Variants in USP9X observed in about 807,000 individuals in gnomAD.
The protein encoded by USP9X is ubiquitin specific peptidase 9 X-linked, also known as ubiquitin carboxyl-terminal hydrolase 9X.
USP9X carries 7 observed loss-of-function variants against 190.3 expected under a neutral mutation model. That is an observed-to-expected ratio of 0.04 (90% CI 0.02 to 0.07). The LOEUF is 0.07. USP9X is among the 10% of genes least tolerant of loss of function. The pLI is 1.00. For synonymous variants in USP9X, 645 were observed against 659.5 expected (o/e 0.98, Z 0.34); for missense variants, 1,010 against 1,916.9 (o/e 0.53, Z 8.83).
chrX:41,192,079 G>T (rs1265164221), intron 26 of USP9X, among the ~76,000 whole-genome samples: 4 of 111,652 alleles, frequency 3.6e-5, no homozygotes, highest in Non-Finnish European at 7.5e-5. Flanking sequence ...CCCACCTGTA[G>T]TGTTGTACTC....
Position 41,166,065 on chromosome X carries a change from C to T in USP9X, c.2179C>T (p.Leu727Phe). The part of the protein sequence containing the change: ...KDFFESNVLQ[L>F]DPSLLTENGM... Reference sequence around the variant, plus strand: ...CTTCTTTGAAAGTAATGTGCTTCAGCTTGATCCTTCTCTGTTAACTGAAAA... The same window carrying T: ...CTTCTTTGAAAGTAATGTGCTTCAGTTTGATCCTTCTCTGTTAACTGAAAA... The change falls in exon 16 of 45, where the codon CTT becomes TTT. Residue 727 changes from leucine (L) to phenylalanine (F), a missense_variant. Transcript: ENST00000378308. 8.3e-7 allele frequency: 1 copy of T among 1,211,442 alleles called. No individual in the cohort carries two copies.
At chrX:41,108,327 C>A (rs1426648670) in intron 1 of USP9X, among the ~76,000 whole-genome samples, 4 of 111,445 alleles carry the variant, frequency 3.6e-5, no homozygotes, top group African/African-American at 1.3e-4. Flanking sequence ...CTACTAATTG[C>A]CTACTGATTG....
chrX:41,189,554 C>G lies in USP9X; in HGVS notation c.3977+79C>G, dbSNP rs997926087. The G allele has an allele frequency of 2.5e-5, 23 of 916,270 alleles. No individual in the cohort carries two copies. The African/African-American group carries it at 4.0e-4, about 16-fold the overall frequency. 75.5% of individuals were successfully genotyped at this position (916,270 alleles called of 1,213,427 possible). On this transcript the variant is annotated intron_variant, in intron 26 of 44. Transcript: ENST00000378308. ...AATTTAGGCTGGCAAAATGTGTCCCCAAAATTAAATATTTATTGTCTCTAT... is the reference window on the plus strand; with the variant it reads ...AATTTAGGCTGGCAAAATGTGTCCCGAAAATTAAATATTTATTGTCTCTAT...
At chrX:41,184,776 G>T (rs1033275104) in intron 23 of USP9X, 101 bp downstream of exon 23, 14 of 701,644 alleles carry the variant, frequency 2.0e-5, no homozygotes, top group Non-Finnish European at 2.6e-5. Flanking sequence ...TTGACTCAAT[G>T]TTCAAAGTGC....
At chrX:41,162,249 A>G (rs773617717) in intron 14 of USP9X, among the ~76,000 whole-genome samples, 4 of 112,291 alleles carry the variant, frequency 3.6e-5, no homozygotes, top group Admixed American at 1.9e-4. Context: ...GAAATATAGT[A>G]ATTAATGCTG....
chrX:41,135,845 G>A lies in USP9X; in HGVS notation c.436-959G>A, dbSNP rs770833671. On this transcript the variant is annotated intron_variant, in intron 5 of 44. Transcript: ENST00000378308. The stretch of plus-strand genomic sequence containing the variant: ...GGGGTTTCACCATGTTGGCCAGGCT[G>A]GTCTCGAACTCCTGTCCTCAAGTGA... Among the ~76,000 whole-genome samples, 6 of 111,206 alleles carry A rather than the reference G, an allele frequency of 5.4e-5. No individual in the cohort carries two copies. The East Asian group carries it at 1.7e-3, about 32-fold the overall frequency.
chrX:41,220,165 C>A (rs1258547976), intron 38 of USP9X, among the ~76,000 whole-genome samples: 1 of 111,616 alleles, frequency 9.0e-6, no homozygotes, highest in Non-Finnish European at 1.9e-5. Flanking sequence ...TTTCCCTTGT[C>A]TTTTCCGTAA....
chrX:41,123,948 CAA>C lies in USP9X; in HGVS notation c.96+225_96+226del, dbSNP rs1426630887. On this transcript the variant is annotated intron_variant, in intron 2 of 44. Coordinates refer to ENST00000378308, the MANE Select transcript of USP9X (RefSeq NM_001039591.3). ...ATCCCAGCTACTTGGGAGGCTGAGACAAGAGAATTGCTTGAACCTGGGAGGCC... is the reference window on the plus strand; with the variant it reads ...ATCCCAGCTACTTGGGAGGCTGAGACGAGAATTGCTTGAACCTGGGAGGCC... Among the ~76,000 whole-genome samples, 4 of 110,567 alleles carry C rather than the reference CAA, an allele frequency of 3.6e-5. No individual in the cohort carries two copies. In the Admixed American group the frequency reaches 3.9e-4, roughly 11 times the overall value.
intron 1 of USP9X, among the ~76,000 whole-genome samples, chrX:41,107,420 CT>C (rs2146951209): frequency 8.9e-6 from 1 of 112,149 alleles, no homozygotes; most frequent in South Asian, 3.7e-4. Flanking sequence ...ACTGATGATC[CT>C]TTGTATGTGG....
rs754313636 is a variant in USP9X at position 41,143,498 on chromosome X, T to G, written c.1314+55T>G. ...TTTTTAAAATAAAGATACTAAAAAC[T>G]GAAGAAATACAGTAGCTGTCATGAA... On this transcript the variant is annotated intron_variant, in intron 10 of 44. Transcript: ENST00000378308. The G allele has an allele frequency of 2.2e-5, 23 of 1,049,245 alleles. No homozygotes were observed. The South Asian group carries it at 6.2e-4, about 28-fold the overall frequency. The allele number at this position is 1,049,245 out of a possible 1,213,427, so 86.5% of individuals were successfully genotyped here.
At chrX:41,168,901 A>G (rs1011037175) in intron 18 of USP9X, among the ~76,000 whole-genome samples, 2 of 109,963 alleles carry the variant, frequency 1.8e-5, no homozygotes, top group African/African-American at 3.3e-5. Context: ...CATTTTTTTT[A>G]AAGAGTTTTG....
intron 1 of USP9X, among the ~76,000 whole-genome samples, chrX:41,093,406 G>A (rs920740202): frequency 7.1e-5 from 8 of 112,199 alleles, no homozygotes; most frequent in African/African-American, 1.6e-4. Flanking sequence ...AGTAAATGGC[G>A]CGATCTCGGC....
intron 3 of USP9X, 85 bp downstream of exon 3, chrX:41,129,230 C>T: frequency 3.3e-6 from 3 of 921,555 alleles, no homozygotes; most frequent in Non-Finnish European, 4.5e-6. Flanking sequence ...AGCTTCGTCA[C>T]TGCCAAGTGC....
chrX:41,174,138 T>C (rs986982204), intron 21 of USP9X, among the ~76,000 whole-genome samples: 3 of 112,152 alleles, frequency 2.7e-5, no homozygotes, highest in African/African-American at 9.7e-5. Context: ...TCATCCAGAT[T>C]TGTTGTAAAC....
intron 38 of USP9X, among the ~76,000 whole-genome samples, chrX:41,219,669 G>A (rs1006117189): frequency 9.0e-6 from 1 of 111,567 alleles, no homozygotes; most frequent in Non-Finnish European, 1.9e-5. Context: ...CTACAATTAT[G>A]GATAATATAA....
At chrX:41,202,773 G>A (rs2063054456) in intron 31 of USP9X, among the ~76,000 whole-genome samples, 1 of 111,874 alleles carries the variant, frequency 8.9e-6, no homozygotes, top group African/African-American at 3.2e-5. Flanking sequence ...ATATACCTGG[G>A]ATATTGAGTT....
chrX:41,105,582 T>A (rs2062063354), intron 1 of USP9X, among the ~76,000 whole-genome samples: 1 of 112,363 alleles, frequency 8.9e-6, no homozygotes, highest in South Asian at 3.7e-4. Flanking sequence ...ATTTTGGCTA[T>A]TGTGACTAAT....
intron 32 of USP9X, among the ~76,000 whole-genome samples, chrX:41,207,639 A>G (rs1332503119): frequency 9.0e-6 from 1 of 111,397 alleles, no homozygotes. Flanking sequence ...ATAATTCTTT[A>G]TAGCAGTGAG....
intron 1 of USP9X, among the ~76,000 whole-genome samples, chrX:41,114,562 C>A (rs2146965807): frequency 9.4e-6 from 1 of 106,470 alleles, no homozygotes; most frequent in African/African-American, 3.5e-5. Flanking sequence ...CTCGCTGCAA[C>A]CTCCACCTCC....
Sources: gnomAD v4.1 joint callset for allele counts (sites outside exome capture counted in the v4.1 genomes callset) on GRCh38, gnomAD v4.1.1 for gene constraint, MANE v1.5 for transcripts, NCBI Gene and HGNC (gene_info 2026-07-23, HGNC 2026-07-21) for gene names.